The following CLSPN variants were observed in gnomAD, a reference collection of about 807,000 sequenced individuals.
CLSPN encodes the protein claspin.
Under a neutral mutation model 156.3 loss-of-function variants are expected in CLSPN, and 85 were observed. The ratio of observed to expected loss-of-function variants is 0.54; its 90% CI spans 0.46 to 0.65. The LOEUF (loss-of-function observed/expected upper bound fraction) is 0.65. Ranked by LOEUF, CLSPN falls within the 30% of genes least tolerant of loss-of-function variation. CLSPN has a pLI of 0.00. For synonymous variants in CLSPN, 534 were observed against 542.4 expected, an observed-to-expected ratio of 0.98 and a Z score of 0.22; for missense variants, 1,407 against 1,554.9, an observed-to-expected ratio of 0.90 and a Z score of 1.60.
chr1:35,724,024 A>G (rs1157209551), intron 24 of CLSPN, among the ~76,000 whole-genome samples: 2 of 152,148 alleles, frequency 1.3e-5, no homozygotes, highest in East Asian at 1.9e-4. Context: ...GTGGGCTATA[A>G]CAATGTAATG....
downstream of CLSPN, among the ~76,000 whole-genome samples, chr1:35,728,357 C>T (rs952588072): frequency 1.3e-5 from 2 of 152,154 alleles, no homozygotes; most frequent in African/African-American, 4.8e-5. Flanking sequence ...GCTGGGATTA[C>T]AGGCATGTGC....
intron 24 of CLSPN, 132 bp from the exon 25 acceptor site, chr1:35,736,738 C>T (rs757437339): frequency 1.4e-5 from 20 of 1,396,176 alleles, no homozygotes; most frequent in Non-Finnish European, 1.7e-5. Context: ...TAAACTTTCT[C>T]GGCAAGTTTA....
rs1351219902 is a variant in CLSPN, at chr1:35,738,485, T to C, written c.3528A>G (p.Arg1176=). ...DESEARWRKE[R]IEREQWLRDM... ...CCCGAAGCCACTGCTCTCGTTCAAT[T>C]CGCTCCTTCCTCCACCTGGCTTCTG... The change falls in exon 21 of 25, where the codon CGA becomes CGG. Residue 1176 remains arginine, a synonymous_variant. Coordinates refer to ENST00000318121, the MANE Select transcript of CLSPN (RefSeq NM_022111.4). 1 of 1,613,942 alleles carries C rather than the reference T, an allele frequency of 6.2e-7. No individual in the cohort carries two copies. The highest frequency in any genetic ancestry group is 8.5e-7 in the Non-Finnish European group (1 of 1,179,880).
At position 35,769,944 on chromosome 1, in the gene CLSPN, C is replaced by CGCCGTCTCCA. The variant is rs1469264475; in HGVS notation, c.-84_-75dup. 2 of 1,557,922 alleles carry CGCCGTCTCCA rather than the reference C, an allele frequency of 1.3e-6. No homozygotes were observed. Among genetic ancestry groups the CGCCGTCTCCA allele is most frequent in the African/African-American group, 2.7e-5 (2 of 73,330 alleles). On this transcript the variant is annotated 5_prime_UTR_variant, in exon 1 of 25. Coordinates refer to ENST00000318121, the MANE Select transcript of CLSPN (RefSeq NM_022111.4). ...CCCTCAGCCGGAGAGCAGCGGCTCC[C>CGCCGTCTCCA]GCCGTCTCCAGCCCAGCAGTGCTGT... is the stretch of plus-strand genomic sequence containing the variant.
chr1:35,732,399 G>A lies in CLSPN; in HGVS notation c.*4097C>T. 2.0e-6 allele frequency: 2 copies of A among 985,370 alleles called. No homozygotes were observed. The highest frequency in any genetic ancestry group is 2.4e-6 in the Non-Finnish European group (2 of 829,912). The allele number at this position is 985,370 out of a possible 1,614,324, so 61.0% of individuals were successfully genotyped here. On this transcript the variant is annotated 3_prime_UTR_variant, in exon 25 of 25. Coordinates refer to ENST00000318121, the MANE Select transcript of CLSPN (RefSeq NM_022111.4). ...AGCCTGAGCATTAGAAACTCTCAAA[G>A]TGAGGAGAAGTTTGTAGAGAAGCAG...
At chr1:35,720,808 C>A in exon 25 of CLSPN, 1 of 978,434 alleles carries the variant, frequency 1.0e-6, no homozygotes, top group Non-Finnish European at 1.6e-6. Flanking sequence ...TCTGCCCAGA[C>A]CACAGAGCCA....
chr1:35,724,375 G>A lies in CLSPN; in HGVS notation c.3910-3395C>T, dbSNP rs528807485. Among the ~76,000 whole-genome samples, 9 of 152,300 alleles carry A rather than the reference G, an allele frequency of 5.9e-5. No homozygotes were observed. In the South Asian group the frequency reaches 1.7e-3, roughly 28 times the overall value. Reference sequence around the variant, plus strand: ...CCGTAGGCCAGTGTGGCTGGAGCTCGGTGGGAAATGGAGGTAAGGTGAGGC... The same window carrying A: ...CCGTAGGCCAGTGTGGCTGGAGCTCAGTGGGAAATGGAGGTAAGGTGAGGC... On this transcript the variant is annotated intron_variant, in intron 24 of 24. Coordinates refer to the CLSPN transcript ENST00000251195.
At position 35,733,315 on chromosome 1, in the gene CLSPN, T is replaced by C. The variant is rs904523909; in HGVS notation, c.*3181A>G. 1.9e-5 allele frequency: 4 copies of C among 210,606 alleles called. No individual in the cohort carries two copies. The highest frequency in any genetic ancestry group is 1.8e-4 in the East Asian group (1 of 5,410). 13.0% of individuals were successfully genotyped at this position (210,606 alleles called of 1,614,324 possible). ...TTTCTCAGGCACTAATTTTCTTTTT[T>C]TTTTCTTTTTTTTTTTTTTTTTAGA... On this transcript the variant is annotated 3_prime_UTR_variant, in exon 25 of 25. Coordinates refer to ENST00000318121, the MANE Select transcript of CLSPN (RefSeq NM_022111.4).
In CLSPN at chr1:35,760,512, T is replaced by G. The variant is rs1642435919; in HGVS notation, c.1409A>C (p.Lys470Thr). ...ATTTTGCTGCTCAGGCTCTTCCACT[T>G]TCTCATCTGTTTCTTCTGGATTTTG... The part of the protein sequence containing the change: ...GPQNPEETDE[K>T]VEEPEQQNKS... The change falls in exon 8 of 25, where the codon AAA becomes ACA. Residue 470 changes from lysine (K) to threonine (T), a missense_variant. Lys to Thr is a moderately conservative substitution (Grantham distance 78, BLOSUM62 -1). Around this residue, in one of 3 missense-constraint regions of CLSPN, gnomAD observed 1,096 missense variants for 1,193.0 expected, o/e 0.92. Transcript: ENST00000318121. 3 of 1,614,226 alleles carry G rather than the reference T, an allele frequency of 1.9e-6. No homozygotes were observed. Among genetic ancestry groups the G allele is most frequent in the Non-Finnish European group, 2.5e-6 (3 of 1,180,046 alleles).
chr1:35,739,031 C>T (rs745947491), intron 20 of CLSPN, 105 bp downstream of exon 20: 25 of 1,349,046 alleles, frequency 1.9e-5, no homozygotes, highest in Non-Finnish European at 2.5e-5. Flanking sequence ...GAACTCCTGA[C>T]CTTGTGATCC....
rs113259367 is a variant in CLSPN, at chr1:35,738,993, G to A, written c.3430+143C>T. On this transcript the variant is annotated intron_variant, in intron 20 of 24. Coordinates refer to ENST00000318121, the MANE Select transcript of CLSPN (RefSeq NM_022111.4). ...TTTTTGAACTTTTAGTAGGGACGGGGTTTCACCATGTTGTTCAGGCTGGTC... is the reference window on the plus strand; with the variant it reads ...TTTTTGAACTTTTAGTAGGGACGGGATTTCACCATGTTGTTCAGGCTGGTC... 3,468 of 919,264 alleles carry A rather than the reference G, an allele frequency of 3.8e-3. 86 individuals are homozygous for A. The African/African-American group carries it at 0.05, about 13-fold the overall frequency. 56.9% of individuals were successfully genotyped at this position (919,264 alleles called of 1,614,324 possible).
Position 35,735,355 on chromosome 1 carries a change from G to A in CLSPN, c.*1141C>T, listed in dbSNP as rs974831096. The A allele has an allele frequency of 1.2e-5, 12 of 985,296 alleles. No homozygotes were observed. The Admixed American group carries it at 1.8e-4, about 15-fold the overall frequency. The allele number at this position is 985,296 out of a possible 1,614,324, so 61.0% of individuals were successfully genotyped here. A position where few individuals can be genotyped will look rare whatever the true frequency, so the allele number is the denominator to read the frequency against. ...CTTGGGAAGAAGCATACAGGAAAAT[G>A]AAAGGGGTAAGAGTAATACAGCAGC... On this transcript the variant is annotated 3_prime_UTR_variant, in exon 25 of 25. Coordinates refer to ENST00000318121, the MANE Select transcript of CLSPN (RefSeq NM_022111.4).
At chr1:35,722,118 G>A (rs925897287) in intron 24 of CLSPN, among the ~76,000 whole-genome samples, 10 of 150,720 alleles carry the variant, frequency 6.6e-5, no homozygotes, top group Non-Finnish European at 8.9e-5. Context: ...CAGCCTGGGC[G>A]ATAGAGTAAG....
rs1015029236 is a variant in CLSPN, at chr1:35,736,389, T to G, written c.*107A>C. 29 of 1,442,698 alleles carry G rather than the reference T, an allele frequency of 2.0e-5. No homozygotes were observed. The highest frequency in any genetic ancestry group is 8.0e-5 in the Admixed American group (3 of 37,608). 89.4% of individuals were successfully genotyped at this position (1,442,698 alleles called of 1,614,324 possible). On this transcript the variant is annotated 3_prime_UTR_variant, in exon 25 of 25. Transcript: ENST00000318121. ...ATTTCTGTCTGCAATCTTATTGCAT[T>G]GATTATGAAAGAAGGAAGGATCATT...
Position 35,761,085 on chromosome 1 carries a change from A to C in CLSPN, c.1004+11T>G, listed in dbSNP as rs76231445. The C allele has an allele frequency of 6.4e-7, 1 of 1,565,076 alleles. No homozygotes were observed. The highest frequency in any genetic ancestry group is 8.8e-7 in the Non-Finnish European group (1 of 1,136,922). ...TTCATGAAAATTATAATAAGGAAAG[A>C]GGGTTCTTACTTCAATAGTGCCATG... On this transcript the variant is annotated intron_variant, in intron 7 of 24. Coordinates refer to ENST00000318121, the MANE Select transcript of CLSPN (RefSeq NM_022111.4).
At chr1:35,739,104 C>G (rs985430837) in intron 20 of CLSPN, 32 bp downstream of exon 20, 14 of 1,613,652 alleles carry the variant, frequency 8.7e-6, no homozygotes, top group Non-Finnish European at 1.2e-5. Flanking sequence ...CAGCCCGTAA[C>G]TGATTGCTTT....
Position 35,765,303 on chromosome 1 carries a change from T to C in CLSPN, c.48A>G (p.Pro16=). The C allele has an allele frequency of 6.2e-7, 1 of 1,613,358 alleles. No homozygotes were observed. The highest frequency in any genetic ancestry group is 8.5e-7 in the Non-Finnish European group (1 of 1,179,454). ...CTGCTTCCTCTTGTGAAATGACGTT[T>C]GGGTCATTGATTTCTAGGTGAACCT... ...GSEVHLEIND[P]NVISQEEADS... Residue 16 remains proline (P), a synonymous_variant, in exon 2 of 25, where the codon CCA becomes CCG. Coordinates refer to ENST00000318121, the MANE Select transcript of CLSPN (RefSeq NM_022111.4).
In CLSPN at chr1:35,769,957, C is replaced by G; in HGVS notation, c.-87G>C. On this transcript the variant is annotated 5_prime_UTR_variant, in exon 1 of 25. Transcript: ENST00000318121. Reference sequence around the variant, plus strand: ...AGCAGCGGCTCCCGCCGTCTCCAGCCCAGCAGTGCTGTTCTTGCTTTCCCG... The same window carrying G: ...AGCAGCGGCTCCCGCCGTCTCCAGCGCAGCAGTGCTGTTCTTGCTTTCCCG... The G allele has an allele frequency of 6.6e-7, 1 of 1,513,932 alleles. No homozygotes were observed. Among genetic ancestry groups the G allele is most frequent in the South Asian group, 1.2e-5 (1 of 86,524 alleles). 93.8% of individuals were successfully genotyped at this position (1,513,932 alleles called of 1,614,324 possible). A position where few individuals can be genotyped will look rare whatever the true frequency, so the allele number is the denominator to read the frequency against.
chr1:35,737,187 T>A, intron 23 of CLSPN, 112 bp from the exon 24 acceptor site: 1 of 1,258,302 alleles, frequency 7.9e-7, no homozygotes, highest in Non-Finnish European at 1.1e-6. Flanking sequence ...CCTACCCTAT[T>A]CAAATAGAAA....
Sources: allele counts gnomAD v4.1 joint callset (sites outside exome capture counted in the v4.1 genomes callset), GRCh38; gene constraint gnomAD v4.1.1; regional missense constraint gnomAD v4.1.1; transcripts MANE v1.5; gene names NCBI Gene and HGNC (gene_info 2026-07-23, HGNC 2026-07-21).